The following NRXN1 variants were observed in gnomAD, a reference collection of about 807,000 sequenced individuals.
The protein encoded by NRXN1 is neurexin 1, also known as neurexin-1.
Under a neutral mutation model 150.9 loss-of-function variants are expected in NRXN1, and 39 were observed. The observed-to-expected ratio is 0.26, with a 90% CI of 0.20 to 0.34. The LOEUF (loss-of-function observed/expected upper bound fraction) is 0.34, where lower values mean the gene tolerates loss of function less well. Among genes scored for constraint, NRXN1 ranks in the 10% least tolerant of loss-of-function variants. The pLI, the probability that NRXN1 is intolerant of heterozygous loss-of-function variation, is 1.00. For synonymous variants in NRXN1, 924 were observed against 757.0 expected, an observed-to-expected ratio of 1.22 and a Z score of -3.62; for missense variants, 1,815 against 1,949.9, an observed-to-expected ratio of 0.93 and a Z score of 1.30.
intron 17 of NRXN1, among the ~76,000 whole-genome samples, chr2:50,332,620 G>C (rs1915167): frequency 0.36 from 54,635 of 152,094 alleles, 10,850 homozygotes; most frequent in African/African-American, 0.53. Context: ...TTGTAAATTT[G>C]TTTGTCATTC....
At chr2:50,787,994 T>C (rs1231095497) in intron 5 of NRXN1, among the ~76,000 whole-genome samples, 5 of 152,090 alleles carry the variant, frequency 3.3e-5, no homozygotes, top group Non-Finnish European at 7.3e-5. Context: ...TCTGCAGAGA[T>C]AAATATCCCA....
chr2:49,960,108 T>C (rs1462910450), intron 21 of NRXN1, among the ~76,000 whole-genome samples: 3 of 152,172 alleles, frequency 2.0e-5, no homozygotes, highest in Non-Finnish European at 4.4e-5. Flanking sequence ...AGGTGCAAAC[T>C]CAAGGGAGAC....
chr2:50,775,002 C>T (rs1219556697), intron 5 of NRXN1, among the ~76,000 whole-genome samples: 5 of 152,088 alleles, frequency 3.3e-5, no homozygotes, highest in African/African-American at 1.2e-4. Flanking sequence ...GTCTTTACCA[C>T]TAGTATATTA....
chr2:50,504,482 C>T (rs2092120770), intron 13 of NRXN1, among the ~76,000 whole-genome samples: 1 of 152,082 alleles, frequency 6.6e-6, no homozygotes, highest in Non-Finnish European at 1.5e-5. Flanking sequence ...TAAATGTTCA[C>T]AGTAGTAAAG....
At chr2:50,505,018 A>G (rs1339756105) in intron 13 of NRXN1, among the ~76,000 whole-genome samples, 18 of 152,156 alleles carry the variant, frequency 1.2e-4, no homozygotes, top group Admixed American at 1.2e-3. Flanking sequence ...AAGACTATAA[A>G]GTACTCAAGT....
In NRXN1 at chr2:50,769,072, A is replaced by G. The variant is rs117891141; in HGVS notation, c.833-145457T>C. Among the ~76,000 whole-genome samples the G allele has an allele frequency of 1.9e-3, 283 of 152,232 alleles. 12 individuals carry two copies. The East Asian group carries it at 0.04, about 22-fold the overall frequency. On this transcript the variant is annotated intron_variant, in intron 5 of 22. Transcript: ENST00000401669. ...CATTTTTACCTATCAACAGTTACAGAAAAACATGTAAATTGTTCCTTATAC... is the reference window on the plus strand; with the variant it reads ...CATTTTTACCTATCAACAGTTACAGGAAAACATGTAAATTGTTCCTTATAC...
chr2:49,979,849 G>A (rs945974385), intron 21 of NRXN1, among the ~76,000 whole-genome samples: 3 of 151,302 alleles, frequency 2.0e-5, no homozygotes. Flanking sequence ...TTAGAGATAG[G>A]ATGGAAATTA....
intron 13 of NRXN1, among the ~76,000 whole-genome samples, chr2:50,498,624 T>G (rs1474101341): frequency 6.6e-6 from 1 of 152,152 alleles, no homozygotes; most frequent in African/African-American, 2.4e-5. Context: ...ATAGCAAACT[T>G]AGTCCCATCT....
chr2:50,354,550 CATACATATAT>C (rs1281367572), intron 17 of NRXN1, among the ~76,000 whole-genome samples: 8 of 66,280 alleles, frequency 1.2e-4, no homozygotes, highest in Non-Finnish European at 2.0e-4. Context: ...GTCTAGAGTG[CATACATATAT>C]ATATATATAT....
chr2:50,495,526 A>AAAACTAAT (rs2091547256), intron 15 of NRXN1, among the ~76,000 whole-genome samples: 1 of 151,990 alleles, frequency 6.6e-6, no homozygotes, highest in Non-Finnish European at 1.5e-5. Flanking sequence ...CCAAGGAAAG[A>AAAACTAAT]AAACTAATAA....
intron 17 of NRXN1, among the ~76,000 whole-genome samples, chr2:50,327,894 C>T (rs1003877345): frequency 6.6e-6 from 1 of 152,190 alleles, no homozygotes; most frequent in Admixed American, 6.5e-5. Context: ...AAGTAATCTC[C>T]CGCCTTGGCC....
intron 17 of NRXN1, among the ~76,000 whole-genome samples, chr2:50,291,703 C>A (rs527975363): frequency 6.6e-6 from 1 of 152,268 alleles, no homozygotes; most frequent in African/African-American, 2.4e-5. Flanking sequence ...GACAAAGTCC[C>A]TAAATAAATC....
intron 17 of NRXN1, among the ~76,000 whole-genome samples, chr2:50,285,997 T>G (rs549118287): frequency 6.6e-6 from 1 of 152,246 alleles, no homozygotes; most frequent in Admixed American, 6.5e-5. Context: ...TCAGGTAGAT[T>G]TTTAAATATT....
chr2:50,403,527 G>A (rs1019940262), intron 17 of NRXN1, among the ~76,000 whole-genome samples: 1 of 152,062 alleles, frequency 6.6e-6, no homozygotes, highest in Admixed American at 6.6e-5. Flanking sequence ...CATATGTACA[G>A]AATAGTATTT....
chr2:50,685,174 C>T (rs545086406), intron 5 of NRXN1, among the ~76,000 whole-genome samples: 7 of 152,272 alleles, frequency 4.6e-5, no homozygotes, highest in Non-Finnish European at 7.4e-5. Context: ...AACTTTCTTT[C>T]ATCCTAACTT....
chr2:50,450,773 A>G (rs188801388), intron 17 of NRXN1, among the ~76,000 whole-genome samples: 4 of 152,304 alleles, frequency 2.6e-5, no homozygotes, highest in African/African-American at 7.2e-5. Flanking sequence ...CAGTGCAGGT[A>G]TCAGCCAGAG....
chr2:49,970,126 C>A (rs79455050), intron 21 of NRXN1: 1 of 151,900 alleles, frequency 6.6e-6, no homozygotes, highest in Non-Finnish European at 1.5e-5. Flanking sequence ...GACTTTATAA[C>A]AAAAGGCTAT....
At chr2:50,218,441 T>C (rs1363629686) in intron 18 of NRXN1, among the ~76,000 whole-genome samples, 1 of 151,720 alleles carries the variant, frequency 6.6e-6, no homozygotes, top group African/African-American at 2.4e-5. Flanking sequence ...AGAATATCTC[T>C]CACATTCTAC....
intron 21 of NRXN1, among the ~76,000 whole-genome samples, chr2:50,034,006 G>C (rs1266297640): frequency 6.6e-6 from 1 of 150,964 alleles, no homozygotes; most frequent in Non-Finnish European, 1.5e-5. Context: ...GTGCTGGTGA[G>C]GTTGCAAACA....
Sources: allele counts gnomAD v4.1 joint callset (sites outside exome capture counted in the v4.1 genomes callset), GRCh38; gene constraint gnomAD v4.1.1; transcripts MANE v1.5; gene names NCBI Gene and HGNC (gene_info 2026-07-23, HGNC 2026-07-21).